Variants in LZTS1 observed in about 807,000 individuals in gnomAD.
LZTS1 encodes leucine zipper tumor suppressor 1, also known as leucine zipper putative tumor suppressor 1.
A neutral mutation model predicts 45.8 loss-of-function variants in LZTS1; 31 were observed. The ratio of observed to expected loss-of-function variants is 0.68; its 90% CI spans 0.51 to 0.91. LZTS1 has a LOEUF of 0.91. Ranked by LOEUF, LZTS1 falls within the 40% of genes least tolerant of loss-of-function variation. The pLI, the probability that LZTS1 is intolerant of heterozygous loss-of-function variation, is 0.00. For missense variants in LZTS1, 821 were observed against 788.9 expected, an observed-to-expected ratio of 1.04 and a Z score of -0.49; for synonymous variants, 359 against 357.3, an observed-to-expected ratio of 1.00 and a Z score of -0.05.
At chr8:20,283,201 T>C (rs933483165) in intron 1 of LZTS1, among the ~76,000 whole-genome samples, 1 of 152,198 alleles carries the variant, frequency 6.6e-6, no homozygotes, top group Non-Finnish European at 1.5e-5. Flanking sequence ...ATGGTCTGAA[T>C]GTTTGTGTCC....
chr8:20,276,665 G>A (rs62499982), intron 1 of LZTS1, among the ~76,000 whole-genome samples: 27,878 of 152,172 alleles, frequency 0.18, 2,743 homozygotes, highest in Middle Eastern at 0.31. Flanking sequence ...TCAAACCCAA[G>A]GCTGGGGTCA....
intron 1 of LZTS1, among the ~76,000 whole-genome samples, chr8:20,294,825 A>G (rs1800955431): frequency 6.6e-6 from 1 of 151,514 alleles, no homozygotes; most frequent in Admixed American, 6.6e-5. Flanking sequence ...GGGAGGGCAG[A>G]CCCCACACAG....
chr8:20,294,037 G>C (rs996195572), intron 1 of LZTS1, among the ~76,000 whole-genome samples: 4 of 152,224 alleles, frequency 2.6e-5, no homozygotes, highest in Admixed American at 2.6e-4. Context: ...TTGTGTGTGT[G>C]TAGGGGAGAC....
At chr8:20,287,897 CAAA>C (rs34653802) in intron 1 of LZTS1, among the ~76,000 whole-genome samples, 89 of 54,108 alleles carry the variant, frequency 1.6e-3, no homozygotes, top group African/African-American at 6.1e-3. Flanking sequence ...GCACTCCAGC[CAAA>C]AAAAAAAAAA....
rs776573879 is a variant in LZTS1 at position 20,253,053 on chromosome 8, A to G, written c.878T>C (p.Leu293Pro). 6.2e-7 allele frequency: 1 copy of G among 1,606,418 alleles called. No homozygotes were observed. Among genetic ancestry groups the G allele is most frequent in the Non-Finnish European group, 8.5e-7 (1 of 1,177,934 alleles). ...GCGCCGCGGCCGCTCCTCGTAGGCC[A>G]GGCTGGAGGCAAGCTCCTTCTCCTC... ...SFEEKELASSLAYEERPRRCR... is the reference protein window; with the variant it reads ...SFEEKELASSPAYEERPRRCR... Residue 293 changes from leucine (L) to proline (P), a missense_variant, in exon 3 of 4, where the codon CTG (leucine) becomes CCG (proline). Physicochemically the swap from Leu to Pro is moderately conservative, Grantham distance 98 (BLOSUM62 -3). Transcript: ENST00000381569.
intron 1 of LZTS1, among the ~76,000 whole-genome samples, chr8:20,288,030 G>C (rs1037680818): frequency 6.6e-6 from 1 of 151,966 alleles, no homozygotes; most frequent in Non-Finnish European, 1.5e-5. Context: ...AATCCCGACT[G>C]TGGGTCTGCC....
intron 1 of LZTS1, among the ~76,000 whole-genome samples, chr8:20,260,482 T>A (rs1390940): frequency 3.9e-5 from 6 of 152,198 alleles, no homozygotes; most frequent in South Asian, 2.1e-4. Context: ...CAGGCCCAAA[T>A]GCCACAATCT....
At chr8:20,274,285 ATCG>A (rs1169269768) in intron 1 of LZTS1, among the ~76,000 whole-genome samples, 1 of 152,178 alleles carries the variant, frequency 6.6e-6, no homozygotes, top group Non-Finnish European at 1.5e-5. Flanking sequence ...GTGTTTATGC[ATCG>A]TATTTTATTT....
At chr8:20,267,813 C>A (rs111953482) in intron 1 of LZTS1, among the ~76,000 whole-genome samples, 3 of 152,316 alleles carry the variant, frequency 2.0e-5, no homozygotes, top group African/African-American at 7.2e-5. Context: ...CTGCGCCCGG[C>A]CCAGACCTCA....
At chr8:20,271,124 C>T (rs1800464384) in intron 1 of LZTS1, among the ~76,000 whole-genome samples, 1 of 152,086 alleles carries the variant, frequency 6.6e-6, no homozygotes, top group Admixed American at 6.5e-5. Flanking sequence ...GTGGCCATTC[C>T]CAACGAGTCT....
At chr8:20,292,361 T>C (rs1247006169) in intron 1 of LZTS1, among the ~76,000 whole-genome samples, 1 of 152,218 alleles carries the variant, frequency 6.6e-6, no homozygotes, top group African/African-American at 2.4e-5. Flanking sequence ...TAGCTAGCCC[T>C]GCTGACTGGC....
intron 1 of LZTS1, among the ~76,000 whole-genome samples, chr8:20,288,235 C>T (rs1004694019): frequency 2.6e-5 from 4 of 152,174 alleles, no homozygotes; most frequent in African/African-American, 7.2e-5. Context: ...ATCACCGCCT[C>T]GCTGCAGAAT....
At chr8:20,262,274 T>G (rs1800249965) in intron 1 of LZTS1, among the ~76,000 whole-genome samples, 1 of 152,190 alleles carries the variant, frequency 6.6e-6, no homozygotes, top group Non-Finnish European at 1.5e-5. Flanking sequence ...AGTCATTTCT[T>G]CAACAAATAT....
chr8:20,296,925 T>C (rs975937459), intron 1 of LZTS1, among the ~76,000 whole-genome samples: 1 of 152,126 alleles, frequency 6.6e-6, no homozygotes, highest in African/African-American at 2.4e-5. Context: ...AAAAATCACC[T>C]CTCTGCTGGA....
chr8:20,255,253 G>A lies in LZTS1; in HGVS notation c.-72C>T, dbSNP rs1165200528. 5 of 1,524,766 alleles carry A rather than the reference G, an allele frequency of 3.3e-6. No individual in the cohort carries two copies. The highest frequency in any genetic ancestry group is 4.4e-6 in the Non-Finnish European group (5 of 1,140,512). The allele number at this position is 1,524,766 out of a possible 1,614,324, so 94.5% of individuals were successfully genotyped here. ...AAGGCTGTGGCAGCAAGGGGCAGTC[G>A]TGGCTCCGTGAGGGGACTGAGGTCA... On this transcript the variant is annotated 5_prime_UTR_variant, in exon 2 of 4. The change creates a new upstream start codon in the 5' untranslated region. Coordinates refer to ENST00000381569, the MANE Select transcript of LZTS1 (RefSeq NM_021020.5).
chr8:20,268,491 C>T (rs1800407515), intron 1 of LZTS1, among the ~76,000 whole-genome samples: 1 of 151,812 alleles, frequency 6.6e-6, no homozygotes, highest in South Asian at 2.1e-4. Context: ...GTCCTTGACC[C>T]TTCCTCCCAT....
Position 20,249,927 on chromosome 8 carries a change from C to T in LZTS1, c.1586G>A (p.Arg529Gln), listed in dbSNP as rs765409978. The change falls in exon 4 of 4, where the codon CGG (arginine) becomes CAG (glutamine). Residue 529 changes from arginine to glutamine, a missense_variant. By Grantham distance (43) the Arg-to-Gln change is conservative. Transcript: ENST00000381569. ...CTCCTTCTCCTCCTTCCACACGAGC[C>T]GCTCATGCTGGAAGCCCGAGGACAT... is the stretch of plus-strand genomic sequence containing the variant. ...DQMSSGFQHE[R>Q]LVWKEEKEKV... 15 of 1,614,210 alleles carry T rather than the reference C, an allele frequency of 9.3e-6. No homozygotes were observed. The highest frequency in any genetic ancestry group is 1.7e-5 in the Admixed American group (1 of 60,034).
chr8:20,278,995 CA>C (rs1170830478), intron 1 of LZTS1, among the ~76,000 whole-genome samples: 1 of 152,178 alleles, frequency 6.6e-6, no homozygotes, highest in Admixed American at 6.5e-5. Flanking sequence ...GCTTTCTCAC[CA>C]TTTCTTCCAA....
intron 1 of LZTS1, among the ~76,000 whole-genome samples, chr8:20,279,680 T>G (rs1235489075): frequency 7.2e-5 from 1 of 13,930 alleles, no homozygotes. Context: ...AGACCCTGTC[T>G]CAAAAAAAAA....
Sources: gnomAD v4.1 joint callset for allele counts (sites outside exome capture counted in the v4.1 genomes callset) on GRCh38, gnomAD v4.1.1 for gene constraint, MANE v1.5 for transcripts, NCBI Gene and HGNC (gene_info 2026-07-23, HGNC 2026-07-21) for gene names.